Variants in SNX29 observed in about 807,000 individuals in gnomAD.
SNX29 encodes the protein sorting nexin 29.
In SNX29, 78 loss-of-function variants were observed where a neutral mutation model predicts 102.1. The ratio of observed to expected loss-of-function variants is 0.76; its 90% CI spans 0.64 to 0.92. The LOEUF is 0.92. Among genes scored for constraint, SNX29 ranks in the 40% least tolerant of loss-of-function variants. The pLI is 0.00. For missense variants in SNX29, 1,280 were observed against 1,061.7 expected (o/e 1.21, Z -2.86); for synonymous variants, 580 against 414.5 (o/e 1.40, Z -4.85).
chr16:12,526,173 A>C (rs2076777914), intron 20 of SNX29, among the ~76,000 whole-genome samples: 1 of 152,182 alleles, frequency 6.6e-6, no homozygotes. Flanking sequence ...TGCTGGGGTA[A>C]TATAAGAGTT....
rs144658506 is a variant in SNX29, at chr16:12,272,666, T to C, written c.1679-5267T>C. ...TGTTTGTGTCTTTAAATCAAAACTT[T>C]GCAGGTACATAGATAAAGTCATTGG... On this transcript the variant is annotated intron_variant, in intron 14 of 20. Transcript: ENST00000566228. Among the ~76,000 whole-genome samples, 48 of 152,304 alleles carry C rather than the reference T, an allele frequency of 3.2e-4. 1 individual carries two copies. Among genetic ancestry groups the C allele is most frequent in the African/African-American group, 1.1e-3 (46 of 41,574 alleles).
chr16:12,147,206 C>A (rs975250582), intron 13 of SNX29, among the ~76,000 whole-genome samples: 10 of 152,234 alleles, frequency 6.6e-5, no homozygotes, highest in African/African-American at 2.4e-4. Flanking sequence ...GAAAAATCTG[C>A]ACCAAACACA....
At chr16:12,499,867 G>A (rs2089024216) in intron 19 of SNX29, among the ~76,000 whole-genome samples, 1 of 152,230 alleles carries the variant, frequency 6.6e-6, no homozygotes, top group South Asian at 2.1e-4. Context: ...TGTAGAGACA[G>A]GGCTTTGCTA....
In SNX29 at chr16:12,019,985, A is replaced by C. The variant is rs116196018; in HGVS notation, c.123-7335A>C. 7.5e-3 allele frequency among the ~76,000 whole-genome samples: 1,144 copies of C among 152,236 alleles called. 9 individuals carry two copies. The highest frequency in any genetic ancestry group is 0.026 in the African/African-American group (1,074 of 41,542). On this transcript the variant is annotated intron_variant, in intron 3 of 20. Coordinates refer to ENST00000566228, the MANE Select transcript of SNX29 (RefSeq NM_032167.5). ...CTGAGACCATACTTAACATACAGTT[A>C]CCTATCCTGCTTATTTTTCATCTTA...
intron 20 of SNX29, among the ~76,000 whole-genome samples, chr16:12,544,648 C>G (rs534664207): frequency 2.0e-5 from 3 of 152,226 alleles, no homozygotes; most frequent in Non-Finnish European, 4.4e-5. Context: ...TCATGTCAGA[C>G]TGTTTACTTC....
chr16:12,543,871 C>G lies in SNX29; in HGVS notation c.2318+19030C>G, dbSNP rs964957380. Among the ~76,000 whole-genome samples, 4 of 152,202 alleles carry G rather than the reference C, an allele frequency of 2.6e-5. No homozygotes were observed. The East Asian group carries it at 7.7e-4, about 29-fold the overall frequency. On this transcript the variant is annotated intron_variant, in intron 20 of 20. Coordinates refer to ENST00000566228, the MANE Select transcript of SNX29 (RefSeq NM_032167.5). ...AGCCAGTGGTGGAACATCCTCTTAC[C>G]ACACTACAAGAGCTTGCGTATTCCT...
intron 14 of SNX29, among the ~76,000 whole-genome samples, chr16:12,270,281 A>T (rs868222519): frequency 6.6e-6 from 1 of 152,356 alleles, no homozygotes; most frequent in East Asian, 1.9e-4. Flanking sequence ...TTCAGAATTC[A>T]GTCACAATTG....
At chr16:12,338,699 A>T (rs908465593) in intron 15 of SNX29, among the ~76,000 whole-genome samples, 7 of 152,210 alleles carry the variant, frequency 4.6e-5, no homozygotes, top group African/African-American at 1.7e-4. Flanking sequence ...GATAAGGGAC[A>T]TCATCCTTGA....
chr16:12,540,112 ATTTTCTCCTAGG>A (rs1301652120), intron 20 of SNX29, among the ~76,000 whole-genome samples: 1 of 152,192 alleles, frequency 6.6e-6, no homozygotes, highest in African/African-American at 2.4e-5. Flanking sequence ...GGTCATAAAG[ATTTTCTCCTAGG>A]TTTTCCTCAA....
At chr16:12,219,626 C>G (rs2077421978) in intron 14 of SNX29, among the ~76,000 whole-genome samples, 1 of 152,232 alleles carries the variant, frequency 6.6e-6, no homozygotes, top group Admixed American at 6.5e-5. Context: ...CCCTTTCTCT[C>G]TTCCTTATTG....
chr16:12,141,046 C>T lies in SNX29; in HGVS notation c.1595+11288C>T, dbSNP rs1050318603. ...GCAACTGTGCTAGAAAACATGCTGA[C>T]GCTAAGTGCTTGCACCTCCTTCTCA... is the stretch of plus-strand genomic sequence containing the variant. On this transcript the variant is annotated intron_variant, in intron 13 of 20. Transcript: ENST00000566228. Among the ~76,000 whole-genome samples, 5 of 152,324 alleles carry T rather than the reference C, an allele frequency of 3.3e-5. No homozygotes were observed. In the South Asian group the frequency reaches 6.2e-4, roughly 19 times the overall value.
At chr16:12,512,150 G>A (rs910933451) in intron 19 of SNX29, among the ~76,000 whole-genome samples, 1 of 151,570 alleles carries the variant, frequency 6.6e-6, no homozygotes, top group African/African-American at 2.4e-5. Flanking sequence ...CTGTCCCCCA[G>A]GGGATGTAGG....
chr16:12,022,874 GC>G (rs1185180459), intron 3 of SNX29, among the ~76,000 whole-genome samples: 1 of 150,046 alleles, frequency 6.7e-6, no homozygotes, highest in Non-Finnish European at 1.5e-5. Flanking sequence ...CCATGTTGTA[GC>G]ATGGATCAGT....
intron 20 of SNX29, among the ~76,000 whole-genome samples, chr16:12,535,855 G>A (rs1300516600): frequency 1.3e-5 from 2 of 152,138 alleles, no homozygotes; most frequent in Non-Finnish European, 2.9e-5. Context: ...GGCCATGGGA[G>A]CCCTATTGGT....
chr16:12,202,208 C>T (rs1455244530), intron 14 of SNX29, among the ~76,000 whole-genome samples: 4 of 152,156 alleles, frequency 2.6e-5, no homozygotes, highest in Admixed American at 1.3e-4. Flanking sequence ...ACATTGGCAA[C>T]CTTTAATTTT....
intron 20 of SNX29, among the ~76,000 whole-genome samples, chr16:12,528,116 C>T (rs779686877): frequency 6.6e-6 from 1 of 152,110 alleles, no homozygotes; most frequent in East Asian, 1.9e-4. Context: ...TGAGCCACCG[C>T]ACCTGGCCTG....
In SNX29 at chr16:12,287,374, G is replaced by T. The variant is rs535251459; in HGVS notation, c.1782+9338G>T. 5.9e-5 allele frequency among the ~76,000 whole-genome samples: 9 copies of T among 152,072 alleles called. No homozygotes were observed. The East Asian group carries it at 1.7e-3, about 29-fold the overall frequency. On this transcript the variant is annotated intron_variant, in intron 15 of 20. Transcript: ENST00000566228. The stretch of plus-strand genomic sequence containing the variant: ...GGCTGTATCTCACAGGTGTCTCTCT[G>T]TTTTTTTTAAATTTTTTTTTTAACT...
At chr16:12,306,375 G>T (rs183635925) in intron 15 of SNX29, among the ~76,000 whole-genome samples, 2 of 151,600 alleles carry the variant, frequency 1.3e-5, no homozygotes, top group East Asian at 2.0e-4. Context: ...TGGGATAGAC[G>T]GTGAGTCAGG....
intron 15 of SNX29, among the ~76,000 whole-genome samples, chr16:12,287,492 A>G (rs372556503): frequency 7.9e-5 from 12 of 152,192 alleles, no homozygotes; most frequent in African/African-American, 2.4e-4. Flanking sequence ...TGTTTCATCC[A>G]CTTACCCTCC....
Sources: allele counts gnomAD v4.1 joint callset (sites outside exome capture counted in the v4.1 genomes callset), GRCh38; gene constraint gnomAD v4.1.1; transcripts MANE v1.5; gene names NCBI Gene and HGNC (gene_info 2026-07-23, HGNC 2026-07-21).